TRIM67: variants seen among roughly 807,000 people sequenced by gnomAD.
TRIM67 encodes tripartite motif-containing protein 67.
Under a neutral mutation model 71.0 loss-of-function variants are expected in TRIM67, and 39 were observed. The ratio of observed to expected loss-of-function variants is 0.55; its 90% CI spans 0.43 to 0.72. The LOEUF (loss-of-function observed/expected upper bound fraction) is 0.72. TRIM67 is among the 30% of genes least tolerant of loss of function. TRIM67 has a pLI of 0.00. For synonymous variants in TRIM67, 481 were observed against 473.9 expected (o/e 1.01, Z -0.19); for missense variants, 973 against 1,079.2 (o/e 0.90, Z 1.38).
In TRIM67 at chr1:231,199,040, C is replaced by T; in HGVS notation, c.1141-7C>T. The T allele has an allele frequency of 6.2e-7, 1 of 1,614,014 alleles. No homozygotes were observed. Among genetic ancestry groups the T allele is most frequent in the African/African-American group, 1.3e-5 (1 of 75,054 alleles). On this transcript the variant is annotated splice_region_variant and splice_polypyrimidine_tract_variant and intron_variant, in intron 2 of 9. Transcript: ENST00000366653. ...CTTCTTCCCAACCAACCCCCAACCT[C>T]TGCCAGGAAAACGGACTGGACTACG...
In TRIM67 at chr1:231,200,197, C is replaced by G. The variant is rs753826587; in HGVS notation, c.1313C>G (p.Thr438Ser). ...NHCTLKLRQS[T>S]GLMEYCLEVI... ...TGCACATTGAAGCTGCGTCAGTCCA[C>G]CGGACTGATGGAGTACTGCCTGGAG... Residue 438 changes from threonine (T) to serine (S), a missense_variant, in exon 4 of 10, where the codon ACC becomes AGC. Physicochemically the swap from Thr to Ser is moderately conservative, Grantham distance 58. Around this residue, in one of 2 missense-constraint regions of TRIM67, gnomAD observed 795 missense variants for 831.3 expected, o/e 0.96. Coordinates refer to ENST00000366653, the MANE Select transcript of TRIM67 (RefSeq NM_001004342.5). 33 of 1,613,888 alleles carry G rather than the reference C, an allele frequency of 2.0e-5. No individual in the cohort carries two copies. Among genetic ancestry groups the G allele is most frequent in the Non-Finnish European group, 2.6e-5 (31 of 1,179,794 alleles).
At chr1:231,182,222 C>T (rs886294556) in intron 1 of TRIM67, among the ~76,000 whole-genome samples, 1 of 152,054 alleles carries the variant, frequency 6.6e-6, no homozygotes, top group Non-Finnish European at 1.5e-5. Flanking sequence ...ATTTATGGGA[C>T]ATACACTGGT....
rs899172666 is a variant in TRIM67, at chr1:231,220,371, G to A, written c.*4931G>A. ...TGTGAGTGCTATGAACAGGCTACCT[G>A]TCAGCAGTCTCACTGCGAGGCCTCA... is the stretch of plus-strand genomic sequence containing the variant. On this transcript the variant is annotated 3_prime_UTR_variant, in exon 10 of 10. Coordinates refer to ENST00000366653, the MANE Select transcript of TRIM67 (RefSeq NM_001004342.5). 6 of 161,088 alleles carry A rather than the reference G, an allele frequency of 3.7e-5. No homozygotes were observed. The highest frequency in any genetic ancestry group is 1.7e-4 in the South Asian group (1 of 5,834). The allele number at this position is 161,088 out of a possible 1,614,324, so 10.0% of individuals were successfully genotyped here.
At chr1:231,199,298 G>A in intron 3 of TRIM67, 129 bp downstream of exon 3, 1 of 940,658 alleles carries the variant, frequency 1.1e-6, no homozygotes, top group Non-Finnish European at 1.7e-6. Flanking sequence ...ATGAATGAAT[G>A]AGGCAAGGAA....
intron 1 of TRIM67, among the ~76,000 whole-genome samples, chr1:231,185,875 C>T (rs372706791): frequency 6.6e-6 from 1 of 151,638 alleles, no homozygotes; most frequent in African/African-American, 2.4e-5. Flanking sequence ...GGGAAGACTT[C>T]GTGGAAAAGG....
chr1:231,205,479 A>T (rs1416865849), intron 6 of TRIM67, among the ~76,000 whole-genome samples: 1 of 152,176 alleles, frequency 6.6e-6, no homozygotes, highest in Non-Finnish European at 1.5e-5. Flanking sequence ...TAATCCCAGC[A>T]CTTTGGGAGG....
In TRIM67 at chr1:231,218,703, G is replaced by A; in HGVS notation, c.*3263G>A. The A allele has an allele frequency of 1.0e-6, 1 of 985,446 alleles. No individual in the cohort carries two copies. Among genetic ancestry groups the A allele is most frequent in the African/African-American group, 1.7e-5 (1 of 57,372 alleles). The allele number at this position is 985,446 out of a possible 1,614,324, so 61.0% of individuals were successfully genotyped here. Reference sequence around the variant, plus strand: ...ATAAAACTGTATATATTTCCAGGCTGCATCTTCAGCCTGATATGTACTTTG... The same window carrying A: ...ATAAAACTGTATATATTTCCAGGCTACATCTTCAGCCTGATATGTACTTTG... On this transcript the variant is annotated 3_prime_UTR_variant, in exon 10 of 10. Coordinates refer to ENST00000366653, the MANE Select transcript of TRIM67 (RefSeq NM_001004342.5).
At chr1:231,193,734 A>T (rs766376023) in intron 1 of TRIM67, among the ~76,000 whole-genome samples, 1 of 152,104 alleles carries the variant, frequency 6.6e-6, no homozygotes, top group Non-Finnish European at 1.5e-5. Context: ...GTTTCCACTC[A>T]TGGTGGAAGG....
chr1:231,208,335 G>A (rs565629400), intron 7 of TRIM67, among the ~76,000 whole-genome samples: 6 of 152,042 alleles, frequency 3.9e-5, no homozygotes, highest in East Asian at 1.9e-4. Context: ...CACCACGCCC[G>A]GCTAATTTTT....
In TRIM67 at chr1:231,163,793, C is replaced by T. The variant is rs1199871660; in HGVS notation, c.824C>T (p.Pro275Leu). The T allele has an allele frequency of 6.7e-7, 1 of 1,489,438 alleles. No individual in the cohort carries two copies. Among genetic ancestry groups the T allele is most frequent in the Non-Finnish European group, 9.0e-7 (1 of 1,116,136 alleles). 92.3% of individuals were successfully genotyped at this position (1,489,438 alleles called of 1,614,324 possible). The change falls in exon 1 of 10, where the codon CCC becomes CTC. Residue 275 changes from proline (P) to leucine (L), a missense_variant. Pro to Leu is a moderately conservative substitution (Grantham distance 98). Around this residue, in one of 2 missense-constraint regions of TRIM67, gnomAD observed 795 missense variants for 831.3 expected, o/e 0.96. Transcript: ENST00000366653. Reference protein sequence around the residue: ...SGPTGTAQGAPSGGGGCKSPG... With the variant: ...SGPTGTAQGALSGGGGCKSPG... ...CCCACTGGCACCGCCCAGGGCGCCCCCAGCGGAGGCGGCGGCTGCAAGAGC... is the reference window on the plus strand; with the variant it reads ...CCCACTGGCACCGCCCAGGGCGCCCTCAGCGGAGGCGGCGGCTGCAAGAGC...
rs749647490 is a variant in TRIM67, at chr1:231,215,418, G to A, written c.2330G>A (p.Arg777Gln). Residue 777 changes from arginine to glutamine, a missense_variant, in exon 10 of 10, where the codon CGG (arginine) becomes CAG (glutamine). By Grantham distance (43) the Arg-to-Gln change is conservative. Transcript: ENST00000366653. ...TTGGAAGTGCCGACTAACCTGGGGCGGCCAAAGCTGTCAGGCAATTAGCCC... is the reference window on the plus strand; with the variant it reads ...TTGGAAGTGCCGACTAACCTGGGGCAGCCAAAGCTGTCAGGCAATTAGCCC... ...TGLEVPTNLG[R>Q]PKLSGN is the part of the protein sequence containing the mutation. 1.3e-5 allele frequency: 21 copies of A among 1,611,060 alleles called. No individual in the cohort carries two copies. The highest frequency in any genetic ancestry group is 1.1e-4 in the East Asian group (5 of 44,776).
rs374045252 is a variant in TRIM67, at chr1:231,170,276, G to A, written c.1044+6263G>A. On this transcript the variant is annotated intron_variant, in intron 1 of 9. Coordinates refer to ENST00000366653, the MANE Select transcript of TRIM67 (RefSeq NM_001004342.5). ...GCTGGGATTACAGATGTGAGCCACC[G>A]TGCCCAGTCTTTTTTTCTTTTTAAT... Among the ~76,000 whole-genome samples the A allele has an allele frequency of 3.2e-4, 49 of 152,160 alleles. No homozygotes were observed. The South Asian group carries it at 7.9e-3, about 24-fold the overall frequency.
At chr1:231,201,612 G>A in intron 5 of TRIM67, 95 bp downstream of exon 5, 1 of 1,430,928 alleles carries the variant, frequency 7.0e-7, no homozygotes, top group Non-Finnish European at 9.4e-7. Flanking sequence ...GACCTGTGAT[G>A]CACGGAGTGT....
Position 231,209,225 on chromosome 1 carries a change from A to G in TRIM67, c.2098A>G (p.Met700Val). 6.4e-7 allele frequency: 1 copy of G among 1,570,682 alleles called. No individual in the cohort carries two copies. The highest frequency in any genetic ancestry group is 8.7e-7 in the Non-Finnish European group (1 of 1,153,104). ...TGTGGACAACAACCGCAGCTGGTTC[A>G]TGCACTGCAACTCCCACACCAACAG... ...MYVDNNRSWF[M>V]HCNSHTNRTE... Residue 700 changes from methionine to valine, a missense_variant, in exon 8 of 10, where the codon ATG becomes GTG. Met to Val is a conservative substitution (Grantham distance 21, BLOSUM62 1). Around this residue, in one of 2 missense-constraint regions of TRIM67, gnomAD observed 178 missense variants for 247.9 expected, o/e 0.72. Transcript: ENST00000366653. This position sits in a 1 kb window ranked among gnomAD's most constrained non-coding sequence, Gnocchi z 4.1.
chr1:231,162,878 C>G lies in TRIM67; in HGVS notation c.-92C>G, dbSNP rs1305835851. On this transcript the variant is annotated 5_prime_UTR_variant, in exon 1 of 10. Transcript: ENST00000366653. ...TGTGATGCCCCCGCCCGTCGTCTCA[C>G]CGGGGCGCACCGCGCTGGTCCTCCT... 6.6e-7 allele frequency: 1 copy of G among 1,507,698 alleles called. No homozygotes were observed. The highest frequency in any genetic ancestry group is 8.9e-7 in the Non-Finnish European group (1 of 1,129,934). 93.4% of individuals were successfully genotyped at this position (1,507,698 alleles called of 1,614,324 possible). A position where few individuals can be genotyped will look rare whatever the true frequency, so the allele number is the denominator to read the frequency against.
rs981011867 is a variant in TRIM67 at position 231,213,701 on chromosome 1, A to G, written c.2124-114A>G. On this transcript the variant is annotated intron_variant, in intron 8 of 9. Coordinates refer to ENST00000366653, the MANE Select transcript of TRIM67 (RefSeq NM_001004342.5). ...CACCGAGATGGCGTCACTGCACTCC[A>G]GCCTGGGTGACAGAGTGAGACCGTG... is the stretch of plus-strand genomic sequence containing the variant. The G allele has an allele frequency of 1.1e-5, 15 of 1,328,864 alleles. 1 individual carries two copies. In the African/African-American group the frequency reaches 2.2e-4, roughly 20 times the overall value. 82.3% of individuals were successfully genotyped at this position (1,328,864 alleles called of 1,614,324 possible).
intron 2 of TRIM67, among the ~76,000 whole-genome samples, chr1:231,197,989 ACT>A (rs1325397108): frequency 6.6e-6 from 1 of 152,182 alleles, no homozygotes; most frequent in Non-Finnish European, 1.5e-5. Flanking sequence ...CACATATTCA[ACT>A]CATTGGCACA....
intron 1 of TRIM67, among the ~76,000 whole-genome samples, chr1:231,176,912 A>AAAAAAAAAAAACAAAAAAAAC (rs1682765894): frequency 6.7e-6 from 1 of 150,050 alleles, no homozygotes; most frequent in African/African-American, 2.5e-5. Context: ...CTGGCAAAAA[A>AAAAAAAAAAAACAAAAAAAAC]AAAAAAAAAA....
chr1:231,183,335 A>T (rs1682959749), intron 1 of TRIM67, among the ~76,000 whole-genome samples: 1 of 152,214 alleles, frequency 6.6e-6, no homozygotes, highest in African/African-American at 2.4e-5. Context: ...AGAGTGGCTC[A>T]CACCTGTAAT....
Sources: allele counts gnomAD v4.1 joint callset (sites outside exome capture counted in the v4.1 genomes callset), GRCh38; gene constraint gnomAD v4.1.1; regional missense constraint gnomAD v4.1.1; non-coding constraint Gnocchi (gnomAD v3.1); transcripts MANE v1.5; gene names NCBI Gene and HGNC (gene_info 2026-07-23, HGNC 2026-07-21).